The following LMO7 variants were observed in gnomAD, a reference collection of about 807,000 sequenced individuals.
LMO7 encodes LIM domain 7.
In LMO7, 120 loss-of-function variants were observed where a neutral mutation model predicts 206.5. The ratio of observed to expected loss-of-function variants is 0.58; its 90% CI spans 0.50 to 0.68. The LOEUF is 0.68. Among genes scored for constraint, LMO7 ranks in the 30% least tolerant of loss-of-function variants. LMO7 has a pLI of 0.00. For missense variants in LMO7, 1,959 were observed against 1,957.9 expected (o/e 1.00, Z -0.01); for synonymous variants, 706 against 681.5 (o/e 1.04, Z -0.56).
chr13:75,706,475 A>G (rs1238128022), intron 1 of LMO7, among the ~76,000 whole-genome samples: 1 of 152,232 alleles, frequency 6.6e-6, no homozygotes, highest in African/African-American at 2.4e-5. Context: ...TGTGCAGTAC[A>G]AATGTTTTAT....
Position 75,821,093 on chromosome 13 carries a change from C to A in LMO7, c.2208-84C>A, listed in dbSNP as rs146670747. On this transcript the variant is annotated intron_variant, in intron 13 of 30. Coordinates refer to ENST00000377534, the MANE Select transcript of LMO7 (RefSeq NM_001306080.2). ...AGTTAGCATCATTTTATTCCCAGTC[C>A]GTTTCATGCGTTGATTACTCTCTCA... 7.2e-6 allele frequency: 7 copies of A among 978,534 alleles called. No homozygotes were observed. In the Admixed American group the frequency reaches 1.8e-4, roughly 25 times the overall value. 60.6% of individuals were successfully genotyped at this position (978,534 alleles called of 1,614,324 possible). A position where few individuals can be genotyped will look rare whatever the true frequency, so the allele number is the denominator to read the frequency against.
At chr13:75,751,678 A>G (rs2047280771) in intron 3 of LMO7, among the ~76,000 whole-genome samples, 1 of 152,198 alleles carries the variant, frequency 6.6e-6, no homozygotes, top group Non-Finnish European at 1.5e-5. Context: ...GATCTTATTT[A>G]GGACTTTTGT....
At chr13:75,719,487 C>A (rs1594502209) in intron 2 of LMO7, among the ~76,000 whole-genome samples, 1 of 152,190 alleles carries the variant, frequency 6.6e-6, no homozygotes, top group East Asian at 1.9e-4. Context: ...GGGGGAGGGA[C>A]CTGATGGGAG....
intron 24 of LMO7, 74 bp downstream of exon 24, chr13:75,842,057 T>G: frequency 2.8e-6 from 3 of 1,088,016 alleles, no homozygotes; most frequent in Non-Finnish European, 3.9e-6. Flanking sequence ...CCGCTTGCTC[T>G]TCCTGTTTCC....
intron 3 of LMO7, among the ~76,000 whole-genome samples, chr13:75,731,891 C>A (rs914409848): frequency 2.0e-5 from 3 of 152,072 alleles, no homozygotes; most frequent in Admixed American, 6.5e-5. Context: ...GCTTATGAAG[C>A]TTAGTTTGGC....
intron 1 of LMO7, chr13:75,621,932 C>T: frequency 8.0e-7 from 1 of 1,257,472 alleles, no homozygotes; most frequent in Non-Finnish European, 1.0e-6. Flanking sequence ...AGAGCATCTC[C>T]ATTTGGCTTT....
chr13:75,858,832 T>C lies in LMO7; in HGVS notation c.*889T>C, dbSNP rs1237258607. 6 of 152,268 alleles carry C rather than the reference T, an allele frequency of 3.9e-5. No individual in the cohort carries two copies. Among genetic ancestry groups the C allele is most frequent in the African/African-American group, 1.4e-4 (6 of 41,474 alleles). The allele number at this position is 152,268 out of a possible 1,614,324, so 9.4% of individuals were successfully genotyped here. ...CTGCATATATTTAAAGTGTATACTT[T>C]GACAAATTTTGACATGGTGTATACC... On this transcript the variant is annotated 3_prime_UTR_variant, in exon 31 of 31. Transcript: ENST00000377534.
chr13:75,737,406 C>A (rs149258055), intron 3 of LMO7, among the ~76,000 whole-genome samples: 4 of 151,772 alleles, frequency 2.6e-5, no homozygotes. Flanking sequence ...CCAAATATAG[C>A]TCTAGGAAAT....
intron 11 of LMO7, among the ~76,000 whole-genome samples, chr13:75,815,705 GC>G (rs1401871135): frequency 1.3e-5 from 2 of 152,180 alleles, no homozygotes; most frequent in African/African-American, 4.8e-5. Flanking sequence ...AATTTAAGAA[GC>G]CATTTTGGAA....
intron 3 of LMO7, among the ~76,000 whole-genome samples, chr13:75,736,457 G>C (rs1184078843): frequency 6.6e-6 from 1 of 152,216 alleles, no homozygotes. Flanking sequence ...GGACTAAAAG[G>C]ATAATATACA....
exon 1 of LMO7, chr13:75,621,203 A>G (rs929527999): frequency 6.6e-6 from 1 of 152,246 alleles, no homozygotes; most frequent in Non-Finnish European, 1.5e-5. Context: ...TGTTTCATAA[A>G]TCATCAGATT....
intron 2 of LMO7, among the ~76,000 whole-genome samples, chr13:75,720,868 T>A (rs2043965464): frequency 1.3e-5 from 2 of 152,224 alleles, no homozygotes; most frequent in Non-Finnish European, 1.5e-5. Context: ...TTAACATCAA[T>A]TTTACTAGCA....
At chr13:75,703,252 G>T (rs1051500054) in intron 1 of LMO7, among the ~76,000 whole-genome samples, 24 of 152,142 alleles carry the variant, frequency 1.6e-4, no homozygotes, top group African/African-American at 5.3e-4. Context: ...TTTATAGGAA[G>T]AATAATTTGA....
intron 2 of LMO7, among the ~76,000 whole-genome samples, chr13:75,714,842 G>A (rs766356441): frequency 2.7e-4 from 41 of 151,890 alleles, no homozygotes; most frequent in Non-Finnish European, 7.4e-5. Flanking sequence ...ATTAGAAAGA[G>A]GCATGTGACC....
At chr13:75,833,007 G>A (rs1316983797) in intron 15 of LMO7, 44 bp from the exon 16 acceptor site, 2 of 1,066,532 alleles carry the variant, frequency 1.9e-6, no homozygotes, top group Non-Finnish European at 2.9e-6. Flanking sequence ...CTCCATGTGG[G>A]TGCCAGGGAC....
chr13:75,662,089 T>C (rs1269174937), intron 1 of LMO7, among the ~76,000 whole-genome samples: 1 of 152,236 alleles, frequency 6.6e-6, no homozygotes, highest in African/African-American at 2.4e-5. Flanking sequence ...TTCAGTCATA[T>C]GTTAAACTTT....
chr13:75,842,083 A>C, intron 24 of LMO7, 100 bp downstream of exon 24: 1 of 845,452 alleles, frequency 1.2e-6, no homozygotes, highest in Non-Finnish European at 1.8e-6. Flanking sequence ...CCCATTCTCC[A>C]CACAAGTGAA....
In LMO7 at chr13:75,694,209, G is replaced by A. The variant is rs146586033; in HGVS notation, c.70-18973G>A. ...CTACTGACTTAGTCTTAGAAAATCCGTGTCACAGAAGTTATGGGGGAGAAA... is the reference window on the plus strand; with the variant it reads ...CTACTGACTTAGTCTTAGAAAATCCATGTCACAGAAGTTATGGGGGAGAAA... On this transcript the variant is annotated intron_variant, in intron 1 of 30. Transcript: ENST00000377534. 7.7e-4 allele frequency among the ~76,000 whole-genome samples: 118 copies of A among 152,278 alleles called. 3 individuals carry two copies. The East Asian group carries it at 0.019, about 24-fold the overall frequency.
intron 1 of LMO7, among the ~76,000 whole-genome samples, chr13:75,680,409 G>T (rs73225927): frequency 0.41 from 62,696 of 151,962 alleles, 14,091 homozygotes; most frequent in Middle Eastern, 0.53. Flanking sequence ...TTAGGCTGTA[G>T]ACCCAGTAAT....
Sources: allele counts gnomAD v4.1 joint callset (sites outside exome capture counted in the v4.1 genomes callset), GRCh38; gene constraint gnomAD v4.1.1; transcripts MANE v1.5; gene names NCBI Gene and HGNC (gene_info 2026-07-23, HGNC 2026-07-21).